PARD3B: variants seen among roughly 807,000 people sequenced by gnomAD.
PARD3B encodes par-3 family cell polarity regulator beta, also known as partitioning defective 3 homolog B.
In PARD3B, 103 loss-of-function variants were observed where a neutral mutation model predicts 130.2. That is an observed-to-expected ratio of 0.79 (90% confidence interval 0.67 to 0.93). PARD3B has a LOEUF of 0.93. Among genes scored for constraint, PARD3B ranks in the 40% least tolerant of loss-of-function variants. The pLI is 0.00. For synonymous variants in PARD3B, 583 were observed against 553.2 expected, an observed-to-expected ratio of 1.05 and a Z score of -0.76; for missense variants, 1,609 against 1,499.2, an observed-to-expected ratio of 1.07 and a Z score of -1.21.
Position 205,550,848 on chromosome 2 carries a change from TTA to T in PARD3B, c.3181-2472_3181-2471del, listed in dbSNP as rs1248888796. Among the ~76,000 whole-genome samples the T allele has an allele frequency of 6.7e-6, 1 of 148,666 alleles. No individual in the cohort carries two copies. The highest frequency in any genetic ancestry group is 2.5e-5 in the African/African-American group (1 of 40,770). ...TATATTTTATGTATATTTGAATATT[TTA>T]TATGTATATTTGTATGTATATATGT... On this transcript the variant is annotated intron_variant, in intron 21 of 22. Transcript: ENST00000406610. The surrounding 1 kb of genome is among the most constrained non-coding windows in gnomAD (Gnocchi z 4.5).
intron 2 of PARD3B, among the ~76,000 whole-genome samples, chr2:204,779,562 G>C (rs749968955): frequency 2.6e-5 from 4 of 152,188 alleles, no homozygotes; most frequent in Admixed American, 2.6e-4. Flanking sequence ...GAAAAGTAAA[G>C]TTCAGAAACT....
intron 2 of PARD3B, among the ~76,000 whole-genome samples, chr2:204,809,432 C>T (rs1171356461): frequency 1.3e-5 from 2 of 152,034 alleles, no homozygotes; most frequent in African/African-American, 4.8e-5. Context: ...GTCTTTAATC[C>T]ATCTTGAGTT....
chr2:204,982,268 A>G (rs1355340), intron 3 of PARD3B, among the ~76,000 whole-genome samples: 43,178 of 152,064 alleles, frequency 0.28, 6,480 homozygotes, highest in Admixed American at 0.43. Context: ...AAGATAAATC[A>G]TTTGCACAAT....
intron 3 of PARD3B, among the ~76,000 whole-genome samples, chr2:205,009,283 A>G (rs964370771): frequency 6.6e-6 from 1 of 152,190 alleles, no homozygotes; most frequent in East Asian, 1.9e-4. Flanking sequence ...TTCTAGAAAA[A>G]ATTAATTGAT....
intron 22 of PARD3B, among the ~76,000 whole-genome samples, chr2:205,602,031 T>C (rs772241796): frequency 2.0e-5 from 3 of 152,220 alleles, no homozygotes; most frequent in Non-Finnish European, 4.4e-5. Flanking sequence ...ATGGCTTTTA[T>C]TATTTTGAGG....
chr2:205,450,536 T>C (rs187595951), intron 20 of PARD3B, among the ~76,000 whole-genome samples: 1 of 142,978 alleles, frequency 7.0e-6, no homozygotes, highest in African/African-American at 2.7e-5. Flanking sequence ...TGCAATGGCA[T>C]GATCTCGGCT....
Position 205,585,498 on chromosome 2 carries a change from C to T in PARD3B, c.3261-29958C>T, listed in dbSNP as rs2106583350. On this transcript the variant is annotated intron_variant, in intron 22 of 22. Coordinates refer to ENST00000406610, the MANE Select transcript of PARD3B (RefSeq NM_001302769.2). The surrounding 1 kb of genome is among the most constrained non-coding windows in gnomAD (Gnocchi z 5.4). ...GGATGGTAGCCTCCGGAAGAATCGG[C>T]AGGCATTTATTTAAATGGGATCAGT... Among the ~76,000 whole-genome samples the T allele has an allele frequency of 6.6e-6, 1 of 152,278 alleles. No homozygotes were observed. Among genetic ancestry groups the T allele is most frequent in the Middle Eastern group, 3.4e-3 (1 of 294 alleles).
chr2:204,981,758 TA>T (rs1692684699), intron 3 of PARD3B, among the ~76,000 whole-genome samples: 1 of 152,108 alleles, frequency 6.6e-6, no homozygotes, highest in Admixed American at 6.5e-5. Flanking sequence ...GGGAGAACAC[TA>T]AAACATGGTC....
chr2:205,357,670 AAGTGAT>A (rs2044245643), intron 18 of PARD3B, among the ~76,000 whole-genome samples: 1 of 150,214 alleles, frequency 6.7e-6, no homozygotes, highest in African/African-American at 2.4e-5. Flanking sequence ...GAAAAAAAAT[AAGTGAT>A]AGTGATAGAT....
At chr2:205,289,346 TAA>T (rs1398761864) in intron 16 of PARD3B, among the ~76,000 whole-genome samples, 1 of 152,152 alleles carries the variant, frequency 6.6e-6, no homozygotes, top group Non-Finnish European at 1.5e-5. Flanking sequence ...CTAATGGGTG[TAA>T]ATTTTGTTCA....
At chr2:205,604,081 G>T (rs1309486677) in intron 22 of PARD3B, among the ~76,000 whole-genome samples, 3 of 152,124 alleles carry the variant, frequency 2.0e-5, no homozygotes, top group African/African-American at 4.8e-5. Context: ...GTCTGGAAAG[G>T]ATTTTATTTC....
At chr2:205,108,497 C>A (rs958096122) in intron 5 of PARD3B, among the ~76,000 whole-genome samples, 1 of 151,930 alleles carries the variant, frequency 6.6e-6, no homozygotes, top group Non-Finnish European at 1.5e-5. Context: ...TATTCTCTCT[C>A]CCACCTTCCT....
chr2:205,322,852 A>AGAAG (rs1320223702), intron 18 of PARD3B, among the ~76,000 whole-genome samples: 1 of 149,080 alleles, frequency 6.7e-6, no homozygotes, highest in East Asian at 2.0e-4. Flanking sequence ...TTCAGCCAAA[A>AGAAG]GAAGGAACGT....
chr2:204,789,708 A>C (rs2042133185), intron 2 of PARD3B, among the ~76,000 whole-genome samples: 1 of 152,118 alleles, frequency 6.6e-6, no homozygotes, highest in African/African-American at 2.4e-5. Flanking sequence ...TTGTTCTCGG[A>C]AATTTTTAGT....
chr2:205,279,237 T>G (rs1054487068), intron 16 of PARD3B, among the ~76,000 whole-genome samples: 1 of 152,096 alleles, frequency 6.6e-6, no homozygotes, highest in African/African-American at 2.4e-5. Context: ...TTAGTAGCAT[T>G]TCAGAATTCT....
chr2:205,417,252 C>A (rs992301120), intron 19 of PARD3B, among the ~76,000 whole-genome samples: 3 of 152,062 alleles, frequency 2.0e-5, no homozygotes, highest in Non-Finnish European at 4.4e-5. Context: ...CTGTAAAGGA[C>A]ATGAACTCAC....
chr2:204,604,616 T>C (rs1430208677), intron 1 of PARD3B, among the ~76,000 whole-genome samples: 3 of 152,184 alleles, frequency 2.0e-5, no homozygotes, highest in Admixed American at 6.5e-5. Context: ...ACCTGCATGG[T>C]AGGATTTGCT....
chr2:204,953,424 G>T (rs912677424), intron 2 of PARD3B, among the ~76,000 whole-genome samples: 5 of 15,982 alleles, frequency 3.1e-4, no homozygotes, highest in Non-Finnish European at 3.8e-4. Context: ...CACACACAGA[G>T]AGAGAGAGAG....
chr2:204,686,245 A>T lies in PARD3B; in HGVS notation c.185A>T (p.Asp62Val), dbSNP rs774253857. The T allele has an allele frequency of 4.3e-6, 7 of 1,612,684 alleles. No individual in the cohort carries two copies. In the South Asian group the frequency reaches 7.7e-5, roughly 18 times the overall value. The change falls in exon 2 of 23, where the codon GAT becomes GTT. Residue 62 changes from aspartate to valine, a missense_variant. Coordinates refer to ENST00000406610, the MANE Select transcript of PARD3B (RefSeq NM_001302769.2). ...EYTDGGILDP[D>V]DVLADVVEDK... is the part of the protein sequence containing the mutation. ...ACAGATGGAGGAATCCTGGATCCAGATGATGTCTTGGCAGATGTTGTTGAA... is the reference window on the plus strand; with the variant it reads ...ACAGATGGAGGAATCCTGGATCCAGTTGATGTCTTGGCAGATGTTGTTGAA...
Sources: allele counts gnomAD v4.1 joint callset (sites outside exome capture counted in the v4.1 genomes callset), GRCh38; gene constraint gnomAD v4.1.1; non-coding constraint Gnocchi (gnomAD v3.1); transcripts MANE v1.5; gene names NCBI Gene and HGNC (gene_info 2026-07-23, HGNC 2026-07-21).